COBL: variants seen among roughly 807,000 people sequenced by gnomAD.
The protein encoded by COBL is cordon-bleu WH2 repeat protein.
A neutral mutation model predicts 98.8 loss-of-function variants in COBL; 51 were observed. That is an observed-to-expected ratio of 0.52 (90% confidence interval 0.41 to 0.65). The LOEUF (loss-of-function observed/expected upper bound fraction) is 0.65, where lower values mean the gene tolerates loss of function less well. COBL is among the 30% of genes least tolerant of loss of function. The pLI, the probability that COBL is intolerant of heterozygous loss-of-function variation, is 0.00. For missense variants in COBL, 1,617 were observed against 1,617.5 expected, an observed-to-expected ratio of 1.00 and a Z score of 0.01; for synonymous variants, 634 against 651.7, an observed-to-expected ratio of 0.97 and a Z score of 0.41.
chr7:51,247,195 G>A (rs917899603), intron 1 of COBL, among the ~76,000 whole-genome samples: 2 of 152,164 alleles, frequency 1.3e-5, no homozygotes, highest in African/African-American at 2.4e-5. Context: ...GCCATCCATG[G>A]AGAAGACTCT....
chr7:51,191,942 C>A (rs1404095050), intron 3 of COBL, among the ~76,000 whole-genome samples: 1 of 152,166 alleles, frequency 6.6e-6, no homozygotes, highest in Non-Finnish European at 1.5e-5. Flanking sequence ...GCTGGGATAA[C>A]AATGCATTTT....
intron 1 of COBL, among the ~76,000 whole-genome samples, chr7:51,301,866 G>C (rs1563144729): frequency 6.6e-6 from 1 of 152,196 alleles, no homozygotes. Flanking sequence ...ACTCCTGGCA[G>C]TCAGTCCATG....
In COBL at chr7:51,178,920, T is replaced by C. The variant is rs191592243; in HGVS notation, c.783+5182A>G. ...TACTGTGCCCAGCCAAGTCTCCTCTTAATCAAAGAGTAAATGTTTTTGCTT... is the reference window on the plus strand; with the variant it reads ...TACTGTGCCCAGCCAAGTCTCCTCTCAATCAAAGAGTAAATGTTTTTGCTT... On this transcript the variant is annotated intron_variant, in intron 5 of 12. Coordinates refer to ENST00000265136, the MANE Select transcript of COBL (RefSeq NM_015198.5). 1.2e-4 allele frequency among the ~76,000 whole-genome samples: 18 copies of C among 152,294 alleles called. No homozygotes were observed. In the East Asian group the frequency reaches 3.5e-3, roughly 29 times the overall value.
chr7:51,139,876 C>T (rs1325019250), intron 5 of COBL, among the ~76,000 whole-genome samples: 1 of 152,174 alleles, frequency 6.6e-6, no homozygotes, highest in African/African-American at 2.4e-5. Flanking sequence ...GCTTGGCCCC[C>T]CCTATTATCC....
chr7:51,277,608 A>G (rs145793699), intron 1 of COBL, among the ~76,000 whole-genome samples: 4 of 152,248 alleles, frequency 2.6e-5, no homozygotes, highest in African/African-American at 7.2e-5. Context: ...TATATTAGAC[A>G]CTAACAAATA....
chr7:51,194,175 T>C (rs1790384376), intron 2 of COBL, among the ~76,000 whole-genome samples: 4 of 152,200 alleles, frequency 2.6e-5, no homozygotes, highest in Admixed American at 2.0e-4. Flanking sequence ...TTGACATCAT[T>C]TAGCTCCCAC....
chr7:51,085,057 G>T, intron 7 of COBL, 109 bp downstream of exon 7: 1 of 1,460,522 alleles, frequency 6.8e-7, no homozygotes, highest in South Asian at 1.2e-5. Context: ...AATATTTTTT[G>T]GGTTAATGTC....
chr7:51,133,891 ATAT>A (rs1262581307), intron 6 of COBL, among the ~76,000 whole-genome samples: 10 of 152,246 alleles, frequency 6.6e-5, no homozygotes, highest in East Asian at 1.9e-4. Flanking sequence ...AGGATGGCTA[ATAT>A]TATCCCACCG....
intron 6 of COBL, among the ~76,000 whole-genome samples, chr7:51,117,041 G>A (rs928454915): frequency 1.5e-4 from 22 of 151,688 alleles, no homozygotes; most frequent in South Asian, 2.1e-4. Flanking sequence ...CCATTAACTC[G>A]TCATTTACAT....
intron 1 of COBL, among the ~76,000 whole-genome samples, chr7:51,221,169 C>T (rs562685176): frequency 1.7e-4 from 26 of 152,124 alleles, no homozygotes; most frequent in Non-Finnish European, 3.4e-4. Context: ...AGAGGGTTTG[C>T]TCCCGCTGCC....
At chr7:51,282,050 C>A (rs1401587560) in intron 1 of COBL, among the ~76,000 whole-genome samples, 1 of 151,832 alleles carries the variant, frequency 6.6e-6, no homozygotes. Flanking sequence ...AAGGGATATA[C>A]TAAAAATCCC....
intron 7 of COBL, among the ~76,000 whole-genome samples, chr7:51,064,207 G>A (rs1032334366): frequency 4.0e-4 from 61 of 152,156 alleles, no homozygotes; most frequent in African/African-American, 1.1e-3. Context: ...TCAGGAACTC[G>A]CATGTGGCTG....
intron 7 of COBL, among the ~76,000 whole-genome samples, chr7:51,047,286 A>G (rs533346056): frequency 1.3e-5 from 2 of 152,242 alleles, no homozygotes; most frequent in African/African-American, 4.8e-5. Context: ...AGCCTGAGTA[A>G]GGAATATTAA....
intron 6 of COBL, among the ~76,000 whole-genome samples, chr7:51,118,383 G>A (rs911784126): frequency 2.0e-5 from 3 of 152,048 alleles, no homozygotes; most frequent in Non-Finnish European, 4.4e-5. Context: ...TGATTGGGAA[G>A]GCTCAGTGGG....
intron 7 of COBL, among the ~76,000 whole-genome samples, chr7:51,049,758 G>C (rs978520810): frequency 6.6e-6 from 1 of 152,184 alleles, no homozygotes; most frequent in Non-Finnish European, 1.5e-5. Context: ...ATCAAATACT[G>C]TTGAGTGGTT....
In COBL at chr7:51,043,368, C is replaced by T. The variant is rs747792868; in HGVS notation, c.1406+15G>A. The T allele has an allele frequency of 2.5e-6, 4 of 1,611,656 alleles. No individual in the cohort carries two copies. In the Admixed American group the frequency reaches 6.7e-5, roughly 27 times the overall value. On this transcript the variant is annotated intron_variant, in intron 8 of 12. Transcript: ENST00000265136. ...GCTGTGACTTCCGTACCCACCCATC[C>T]TTCCCGTGACTCACCTCAGATGTGA...
rs1792129353 is a variant in COBL at position 51,209,046 on chromosome 7, T to TTA, written c.245+10694_245+10695insTA. ...TGAGAAACACCCAAGAATGATCAAT[T>TTA]AAAAAAAAAAAAAAAAAAAAAAAAA... On this transcript the variant is annotated intron_variant, in intron 2 of 12. Coordinates refer to ENST00000265136, the MANE Select transcript of COBL (RefSeq NM_015198.5). Among the ~76,000 whole-genome samples the TTA allele has an allele frequency of 8.7e-4, 38 of 43,432 alleles. 1 individual carries two copies. In the South Asian group the frequency reaches 0.027, roughly 31 times the overall value. 28.5% of individuals were successfully genotyped at this position (43,432 alleles called of 152,430 possible). A position where few individuals can be genotyped will look rare whatever the true frequency, so the allele number is the denominator to read the frequency against.
At chr7:51,263,147 A>G (rs4947579) in intron 1 of COBL, among the ~76,000 whole-genome samples, 1 of 151,914 alleles carries the variant, frequency 6.6e-6, no homozygotes, top group African/African-American at 2.4e-5. Context: ...ACCGGAAGCC[A>G]CCCGCAAGCC....
chr7:51,106,404 T>A lies in COBL; in HGVS notation c.958-21100A>T, dbSNP rs544412661. 3.9e-5 allele frequency among the ~76,000 whole-genome samples: 6 copies of A among 152,236 alleles called. No individual in the cohort carries two copies. The South Asian group carries it at 8.3e-4, about 21-fold the overall frequency. On this transcript the variant is annotated intron_variant, in intron 6 of 12. Coordinates refer to ENST00000265136, the MANE Select transcript of COBL (RefSeq NM_015198.5). The stretch of plus-strand genomic sequence containing the variant: ...AGGGGCATGTTTGCTGGAAGCAGTA[T>A]CCCGGCTGGTGTCATCCTGGCAGAT...
Sources: allele counts gnomAD v4.1 joint callset (sites outside exome capture counted in the v4.1 genomes callset), GRCh38; gene constraint gnomAD v4.1.1; transcripts MANE v1.5; gene names NCBI Gene and HGNC (gene_info 2026-07-23, HGNC 2026-07-21).